The following PELI2 variants were observed in gnomAD, a reference collection of about 807,000 sequenced individuals.
PELI2 encodes pellino E3 ubiquitin protein ligase family member 2.
Under a neutral mutation model 42.3 loss-of-function variants are expected in PELI2, and 23 were observed. The observed-to-expected ratio is 0.54, with a 90% CI of 0.39 to 0.77. PELI2 has a LOEUF of 0.77. PELI2 is among the 30% of genes least tolerant of loss of function. The pLI is 0.00. For missense variants in PELI2, 463 were observed against 553.2 expected (o/e 0.84, Z 1.64); for synonymous variants, 245 against 212.2 (o/e 1.15, Z -1.34).
intron 2 of PELI2, among the ~76,000 whole-genome samples, chr14:56,239,087 A>C (rs1832307721): frequency 6.6e-6 from 1 of 151,988 alleles, no homozygotes; most frequent in South Asian, 2.1e-4. Context: ...TTTTTATGCT[A>C]ATTATGTGTT....
At position 56,180,297 on chromosome 14, in the gene PELI2, A is replaced by AC. The variant is rs1182722028; in HGVS notation, c.207+1834dup. ...GGAGCTCTGTTGAATTAGAAAATAT[A>AC]CTTTGTTCATAACAATAGAAATTAT... On this transcript the variant is annotated intron_variant, in intron 2 of 5. Transcript: ENST00000267460. This position sits in a 1 kb window ranked among gnomAD's most constrained non-coding sequence, Gnocchi z 4.4. Among the ~76,000 whole-genome samples the AC allele has an allele frequency of 6.6e-6, 1 of 152,204 alleles. No homozygotes were observed. Among genetic ancestry groups the AC allele is most frequent in the Admixed American group, 6.5e-5 (1 of 15,280 alleles).
chr14:56,123,691 T>G (rs1417976438), intron 1 of PELI2, among the ~76,000 whole-genome samples: 3 of 152,224 alleles, frequency 2.0e-5, no homozygotes, highest in Non-Finnish European at 4.4e-5. Context: ...TTTCATCCTG[T>G]GATCAATATT....
intron 2 of PELI2, among the ~76,000 whole-genome samples, chr14:56,224,828 G>T (rs770133705): frequency 2.7e-5 from 4 of 145,512 alleles, no homozygotes; most frequent in Non-Finnish European, 4.6e-5. Context: ...AAGTATAGTT[G>T]AATTAAAATG....
At chr14:56,289,745 T>G (rs1257320073) in intron 4 of PELI2, among the ~76,000 whole-genome samples, 1 of 152,142 alleles carries the variant, frequency 6.6e-6, no homozygotes, top group Non-Finnish European at 1.5e-5. Flanking sequence ...CCATCTACCT[T>G]TGAGAATTTA....
intron 5 of PELI2, among the ~76,000 whole-genome samples, chr14:56,292,056 C>T (rs950788560): frequency 2.0e-5 from 3 of 152,326 alleles, no homozygotes; most frequent in East Asian, 1.9e-4. Flanking sequence ...ATGAGTTTCT[C>T]GTCCACTCTG....
chr14:56,138,904 C>T (rs930056545), intron 1 of PELI2, among the ~76,000 whole-genome samples: 3 of 152,146 alleles, frequency 2.0e-5, no homozygotes, highest in Non-Finnish European at 4.4e-5. Context: ...TTCTCAGGTG[C>T]CTTTTCACAG....
intron 1 of PELI2, among the ~76,000 whole-genome samples, chr14:56,139,178 G>T (rs910548971): frequency 6.6e-6 from 1 of 152,094 alleles, no homozygotes. Flanking sequence ...TTTGGTGCTG[G>T]CTGGAGGTGG....
At chr14:56,266,169 A>G (rs965859542) in intron 2 of PELI2, among the ~76,000 whole-genome samples, 4 of 152,180 alleles carry the variant, frequency 2.6e-5, no homozygotes, top group Admixed American at 2.6e-4. Context: ...ACTAAAGAAA[A>G]ATGGAGAATT....
chr14:56,169,857 G>A (rs1329351961), intron 1 of PELI2, among the ~76,000 whole-genome samples: 2 of 152,168 alleles, frequency 1.3e-5, no homozygotes, highest in East Asian at 3.8e-4. Context: ...TTGGGTCAGG[G>A]GAAGTCCATG....
chr14:56,204,021 G>T (rs1448630427), intron 2 of PELI2, among the ~76,000 whole-genome samples: 1 of 152,190 alleles, frequency 6.6e-6, no homozygotes, highest in African/African-American at 2.4e-5. Flanking sequence ...TCTGGGAGGG[G>T]TCAGGAAGGG....
chr14:56,134,622 T>C (rs1595543926), intron 1 of PELI2, among the ~76,000 whole-genome samples: 1 of 152,304 alleles, frequency 6.6e-6, no homozygotes, highest in Non-Finnish European at 1.5e-5. Context: ...TTTGTTGACT[T>C]TTTTGCCTCC....
intron 1 of PELI2, among the ~76,000 whole-genome samples, chr14:56,157,812 T>C (rs1884622436): frequency 6.6e-6 from 1 of 152,130 alleles, no homozygotes; most frequent in Non-Finnish European, 1.5e-5. Flanking sequence ...TGCCATGAAA[T>C]GTTAAAAGGA....
At chr14:56,144,461 T>A (rs1884035687) in intron 1 of PELI2, among the ~76,000 whole-genome samples, 1 of 152,084 alleles carries the variant, frequency 6.6e-6, no homozygotes, top group South Asian at 2.1e-4. Flanking sequence ...TTCAGTTAGG[T>A]CCCCACAGGC....
At chr14:56,245,298 T>TA (rs1282885068) in intron 2 of PELI2, among the ~76,000 whole-genome samples, 7 of 152,184 alleles carry the variant, frequency 4.6e-5, no homozygotes, top group Non-Finnish European at 7.4e-5. Flanking sequence ...ATATATTAAT[T>TA]AATTAGCTTA....
intron 2 of PELI2, among the ~76,000 whole-genome samples, chr14:56,251,798 A>G (rs902019728): frequency 5.9e-5 from 9 of 152,380 alleles, no homozygotes; most frequent in African/African-American, 1.9e-4. Context: ...TAAAGCTAGC[A>G]TAGCATAGCA....
At chr14:56,247,339 T>C (rs1381690422) in intron 2 of PELI2, among the ~76,000 whole-genome samples, 1 of 152,240 alleles carries the variant, frequency 6.6e-6, no homozygotes, top group East Asian at 1.9e-4. Context: ...CAAAGTATAC[T>C]CTATCCCCTT....
chr14:56,261,183 G>A (rs963189155), intron 2 of PELI2, among the ~76,000 whole-genome samples: 3 of 152,122 alleles, frequency 2.0e-5, no homozygotes, highest in Non-Finnish European at 1.5e-5. Flanking sequence ...AAAAACTTCT[G>A]AATAATATGT....
intron 2 of PELI2, among the ~76,000 whole-genome samples, chr14:56,231,174 C>A (rs1887553457): frequency 6.6e-6 from 1 of 152,164 alleles, no homozygotes; most frequent in Admixed American, 6.5e-5. Flanking sequence ...CTTTAATACA[C>A]CACTGTCAAC....
intron 1 of PELI2, among the ~76,000 whole-genome samples, chr14:56,163,677 T>C (rs1034570830): frequency 1.2e-4 from 18 of 152,180 alleles, no homozygotes; most frequent in South Asian, 4.1e-4. Context: ...TATGGACATT[T>C]GAATAATATT....
Sources: allele counts gnomAD v4.1 joint callset (sites outside exome capture counted in the v4.1 genomes callset), GRCh38; gene constraint gnomAD v4.1.1; non-coding constraint Gnocchi (gnomAD v3.1); transcripts MANE v1.5; gene names NCBI Gene and HGNC (gene_info 2026-07-23, HGNC 2026-07-21).